The following ZBTB20 variants were observed in gnomAD, a reference collection of about 807,000 sequenced individuals.
ZBTB20 encodes the protein zinc finger and BTB domain containing 20, also known as zinc finger and BTB domain-containing protein 20.
ZBTB20 carries 9 observed loss-of-function variants against 56.9 expected under a neutral mutation model. That is an observed-to-expected ratio of 0.16 (90% CI 0.10 to 0.28). ZBTB20 has a LOEUF of 0.28. Ranked by LOEUF, ZBTB20 falls within the 10% of genes least tolerant of loss-of-function variation. The probability of loss-of-function intolerance (pLI) is 1.00; values close to 1 mark genes in which losing one functional copy is unlikely to be tolerated. For missense variants in ZBTB20, 655 were observed against 1,003.0 expected (o/e 0.65, Z 4.69); for synonymous variants, 417 against 420.7 (o/e 0.99, Z 0.11).
intron 6 of ZBTB20, among the ~76,000 whole-genome samples, chr3:114,591,065 G>A (rs1031150929): frequency 3.3e-5 from 5 of 152,066 alleles, no homozygotes; most frequent in African/African-American, 4.8e-5. Context: ...TACTATTAGC[G>A]CTCTACCTTA....
rs2082297466 is a variant in ZBTB20, at chr3:114,365,439, G to C, written c.200-13561C>G. ...TTCTATGCCAAGCTCTTGTTTCCCT[G>C]GGCCAGCTCTGCCTGCTGCTGATCA... On this transcript the variant is annotated intron_variant, in intron 10 of 11. Coordinates refer to ENST00000675478, the MANE Select transcript of ZBTB20 (RefSeq NM_001348800.3). 2.0e-5 allele frequency among the ~76,000 whole-genome samples: 3 copies of C among 152,266 alleles called. No individual in the cohort carries two copies. In the South Asian group the frequency reaches 6.2e-4, roughly 32 times the overall value.
intron 3 of ZBTB20, among the ~76,000 whole-genome samples, chr3:114,971,012 C>CAA (rs59884793): frequency 8.1e-6 from 1 of 122,716 alleles, no homozygotes. Flanking sequence ...GAGACTCCGT[C>CAA]AAAAAAAAAA....
At chr3:114,688,554 A>G (rs531367339) in intron 6 of ZBTB20, among the ~76,000 whole-genome samples, 1 of 152,174 alleles carries the variant, frequency 6.6e-6, no homozygotes, top group Non-Finnish European at 1.5e-5. Flanking sequence ...GAACAGTTAG[A>G]GAAAATACAA....
At chr3:114,865,013 G>A (rs2075706929) in intron 4 of ZBTB20, among the ~76,000 whole-genome samples, 1 of 152,032 alleles carries the variant, frequency 6.6e-6, no homozygotes, top group South Asian at 2.1e-4. Context: ...CCTCCCATAA[G>A]CAACAGCCAG....
At chr3:114,425,315 T>G (rs571697112) in intron 7 of ZBTB20, among the ~76,000 whole-genome samples, 1 of 152,220 alleles carries the variant, frequency 6.6e-6, no homozygotes. Flanking sequence ...AGTCCCCCAC[T>G]GAGGCAGCAT....
rs771068668 is a variant in ZBTB20 at position 114,444,716 on chromosome 3, C to G, written c.-254-55611G>C. Among the ~76,000 whole-genome samples, 31 of 152,130 alleles carry G rather than the reference C, an allele frequency of 2.0e-4. 1 individual carries two copies. The highest frequency in any genetic ancestry group is 1.5e-3 in the South Asian group (7 of 4,818). Reference sequence around the variant, plus strand: ...ATTTCTTAATCTGTTGGACAACCCCCTCATCAAATTTTTTTTGATAAAAAT... The same window carrying G: ...ATTTCTTAATCTGTTGGACAACCCCGTCATCAAATTTTTTTTGATAAAAAT... On this transcript the variant is annotated intron_variant, in intron 7 of 11. Coordinates refer to ENST00000675478, the MANE Select transcript of ZBTB20 (RefSeq NM_001348800.3).
At chr3:114,979,463 CA>C (rs758338348) in intron 2 of ZBTB20, among the ~76,000 whole-genome samples, 1 of 151,898 alleles carries the variant, frequency 6.6e-6, no homozygotes, top group Non-Finnish European at 1.5e-5. Context: ...ACATGTCATT[CA>C]AAACATATGA....
chr3:114,998,996 G>A (rs2079136010), intron 2 of ZBTB20, among the ~76,000 whole-genome samples: 1 of 129,558 alleles, frequency 7.7e-6, no homozygotes, highest in African/African-American at 2.8e-5. Context: ...ATAGTGGAGG[G>A]AAAAGGAGGG....
At chr3:114,410,950 TAGGGAGTCATCC>T (rs1004961188) in intron 7 of ZBTB20, among the ~76,000 whole-genome samples, 4 of 151,896 alleles carry the variant, frequency 2.6e-5, no homozygotes, top group Non-Finnish European at 5.9e-5. Context: ...AGAAATAAAC[TAGGGAGTCATCC>T]AGGGACACAT....
intron 4 of ZBTB20, among the ~76,000 whole-genome samples, chr3:114,804,218 A>G (rs2071931105): frequency 1.4e-5 from 1 of 72,246 alleles, no homozygotes; most frequent in Non-Finnish European, 4.5e-5. Context: ...CAAAGCCTCT[A>G]GTCAATAAAA....
At chr3:115,033,828 G>C (rs1318781158) in intron 2 of ZBTB20, among the ~76,000 whole-genome samples, 1 of 151,632 alleles carries the variant, frequency 6.6e-6, no homozygotes, top group Non-Finnish European at 1.5e-5. Context: ...TCTCTTATGA[G>C]CATTGACAAG....
intron 5 of ZBTB20, among the ~76,000 whole-genome samples, chr3:114,774,478 T>G (rs1480714529): frequency 6.6e-6 from 1 of 152,184 alleles, no homozygotes; most frequent in African/African-American, 2.4e-5. Context: ...TCCTTTCTTT[T>G]GAATACCACA....
chr3:114,611,250 T>A (rs2107690264), intron 6 of ZBTB20, among the ~76,000 whole-genome samples: 1 of 152,296 alleles, frequency 6.6e-6, no homozygotes, highest in African/African-American at 2.4e-5. Context: ...CAGGCGGCAG[T>A]CCTATCTATA....
chr3:114,749,568 A>AAAGGAAGGAAGGAAGGAAGGAAGGAAGG (rs71146333), intron 5 of ZBTB20, among the ~76,000 whole-genome samples: 47 of 135,962 alleles, frequency 3.5e-4, no homozygotes, highest in African/African-American at 4.3e-4. Flanking sequence ...GAAAGAAAGA[A>AAAGGAAGGAAGGAAGGAAGGAAGGAAGG]AAGGAAGGAA....
At chr3:114,874,256 T>C (rs2076113403) in intron 4 of ZBTB20, 1 of 152,182 alleles carries the variant, frequency 6.6e-6, no homozygotes, top group South Asian at 2.1e-4. Flanking sequence ...AAAATGAATA[T>C]TCACTAAACA....
chr3:114,350,314 G>A lies in ZBTB20; in HGVS notation c.1764C>T (p.Thr588=), dbSNP rs142230895. The A allele has an allele frequency of 1.1e-4, 172 of 1,613,018 alleles. No homozygotes were observed. The highest frequency in any genetic ancestry group is 1.4e-4 in the Non-Finnish European group (161 of 1,179,260). ...YECTLCNKTF[T]AKQNYVKHMF... ...TGTGCTTGACGTAGTTCTGTTTGGC[G>A]GTGAAAGTCTTGTTGCAGAGAGTGC... Residue 588 remains threonine (T), a synonymous_variant, in exon 11 of 12, where the codon ACC becomes ACT. Transcript: ENST00000675478.
intron 1 of ZBTB20, among the ~76,000 whole-genome samples, chr3:115,107,389 C>A (rs1052438052): frequency 6.7e-6 from 1 of 148,712 alleles, no homozygotes; most frequent in East Asian, 2.0e-4. Context: ...CACTGCACTG[C>A]AACCTGGGTG....
chr3:114,888,050 C>A (rs2076665976), intron 4 of ZBTB20, among the ~76,000 whole-genome samples: 1 of 151,412 alleles, frequency 6.6e-6, no homozygotes, highest in Non-Finnish European at 1.5e-5. Context: ...TGATCCAATC[C>A]TTTCAAGCAA....
At chr3:115,008,226 G>T (rs555946145) in intron 2 of ZBTB20, among the ~76,000 whole-genome samples, 112 of 151,934 alleles carry the variant, frequency 7.4e-4, no homozygotes, top group Middle Eastern at 3.4e-3. Context: ...TCAAACTGCA[G>T]TTTTTAAATC....
Sources: allele counts gnomAD v4.1 joint callset (sites outside exome capture counted in the v4.1 genomes callset), GRCh38; gene constraint gnomAD v4.1.1; transcripts MANE v1.5; gene names NCBI Gene and HGNC (gene_info 2026-07-23, HGNC 2026-07-21).